HIBADH: variants seen among roughly 807,000 people sequenced by gnomAD.
The protein encoded by HIBADH is 3-hydroxyisobutyrate dehydrogenase.
Under a neutral mutation model 36.1 loss-of-function variants are expected in HIBADH, and 25 were observed. That is an observed-to-expected ratio of 0.69 (90% confidence interval 0.50 to 0.97). The LOEUF (loss-of-function observed/expected upper bound fraction) is 0.97, where lower values mean the gene tolerates loss of function less well. Among genes scored for constraint, HIBADH ranks in the 50% least tolerant of loss-of-function variants. The probability of loss-of-function intolerance (pLI) is 0.00; values close to 1 mark genes in which losing one functional copy is unlikely to be tolerated. For synonymous variants in HIBADH, 160 were observed against 149.5 expected, an observed-to-expected ratio of 1.07 and a Z score of -0.51; for missense variants, 421 against 418.0, an observed-to-expected ratio of 1.01 and a Z score of -0.06.
At chr7:27,561,154 ATTCAC>A (rs1345665494) in intron 4 of HIBADH, among the ~76,000 whole-genome samples, 1 of 152,088 alleles carries the variant, frequency 6.6e-6, no homozygotes, top group Non-Finnish European at 1.5e-5. Flanking sequence ...AAACTGGGTT[ATTCAC>A]TTCTTGTTGA....
intron 4 of HIBADH, among the ~76,000 whole-genome samples, chr7:27,603,185 T>C (rs1785161199): frequency 6.6e-6 from 1 of 152,198 alleles, no homozygotes; most frequent in African/African-American, 2.4e-5. Context: ...GTTTAAACAG[T>C]TTTTGTCAGT....
chr7:27,589,573 GCA>G (rs1412153298), intron 4 of HIBADH, among the ~76,000 whole-genome samples: 1 of 152,096 alleles, frequency 6.6e-6, no homozygotes, highest in Non-Finnish European at 1.5e-5. Context: ...ATGTAGAAAG[GCA>G]CAGAGATATT....
At chr7:27,608,697 T>C (rs1289151723) in intron 4 of HIBADH, among the ~76,000 whole-genome samples, 1 of 152,132 alleles carries the variant, frequency 6.6e-6, no homozygotes, top group East Asian at 1.9e-4. Context: ...TGCTTAGAAA[T>C]CAATAGATGT....
chr7:27,635,816 ACGGCC>A (rs1785831432), intron 2 of HIBADH, among the ~76,000 whole-genome samples: 1 of 152,186 alleles, frequency 6.6e-6, no homozygotes, highest in African/African-American at 2.4e-5. Context: ...GCTAATTCCA[ACGGCC>A]TCATACTTAT....
intron 4 of HIBADH, among the ~76,000 whole-genome samples, chr7:27,605,416 CCT>C (rs149136255): frequency 6.1e-5 from 9 of 148,464 alleles, no homozygotes; most frequent in African/African-American, 2.3e-4. Context: ...GAGGTTTCTC[CCT>C]CTTTTTAAAA....
intron 1 of HIBADH, among the ~76,000 whole-genome samples, chr7:27,658,454 T>G (rs1786348369): frequency 6.6e-6 from 1 of 152,200 alleles, no homozygotes; most frequent in Non-Finnish European, 1.5e-5. Context: ...ATTTACCGAT[T>G]ATGACCTCTT....
intron 4 of HIBADH, among the ~76,000 whole-genome samples, chr7:27,590,287 C>A (rs988096732): frequency 6.6e-6 from 1 of 152,132 alleles, no homozygotes; most frequent in African/African-American, 2.4e-5. Flanking sequence ...CAAAGTCACA[C>A]AACAGATAGA....
intron 4 of HIBADH, among the ~76,000 whole-genome samples, chr7:27,612,963 TTA>T (rs971111656): frequency 1.4e-5 from 2 of 139,160 alleles, no homozygotes; most frequent in Non-Finnish European, 3.1e-5. Context: ...TATATATTAT[TTA>T]TATATATATT....
chr7:27,527,565 T>C (rs1261307046), intron 7 of HIBADH, among the ~76,000 whole-genome samples: 3 of 152,184 alleles, frequency 2.0e-5, no homozygotes, highest in Non-Finnish European at 4.4e-5. Flanking sequence ...TCACAGATAA[T>C]GCATGTTTGT....
At chr7:27,591,140 T>C (rs1378533523) in intron 4 of HIBADH, among the ~76,000 whole-genome samples, 2 of 152,218 alleles carry the variant, frequency 1.3e-5, no homozygotes, top group Non-Finnish European at 2.9e-5. Flanking sequence ...ATTAGGTAAA[T>C]GGGTACGATC....
intron 4 of HIBADH, among the ~76,000 whole-genome samples, chr7:27,589,775 C>CT (rs1344301002): frequency 1.3e-5 from 2 of 152,112 alleles, no homozygotes; most frequent in South Asian, 2.1e-4. Context: ...TCTGAGCAAC[C>CT]TTTTCTGTGG....
chr7:27,598,992 T>C (rs1013695170), intron 4 of HIBADH, among the ~76,000 whole-genome samples: 3 of 147,924 alleles, frequency 2.0e-5, no homozygotes, highest in Non-Finnish European at 4.5e-5. Flanking sequence ...CCAAGAGGCA[T>C]AAAGTGAGTA....
intron 4 of HIBADH, among the ~76,000 whole-genome samples, chr7:27,566,305 C>A (rs1194735255): frequency 6.6e-6 from 1 of 151,606 alleles, no homozygotes; most frequent in Non-Finnish European, 1.5e-5. Flanking sequence ...TTTTCTTTTT[C>A]AGAAAGTTTT....
At chr7:27,579,593 T>TTAC (rs1447327117) in intron 4 of HIBADH, among the ~76,000 whole-genome samples, 1 of 152,228 alleles carries the variant, frequency 6.6e-6, no homozygotes. Context: ...TACTTAACCA[T>TTAC]TACTTCGTAT....
At chr7:27,650,862 C>T (rs1432041042) in intron 1 of HIBADH, among the ~76,000 whole-genome samples, 1 of 151,880 alleles carries the variant, frequency 6.6e-6, no homozygotes, top group Non-Finnish European at 1.5e-5. Flanking sequence ...ATGGAAATAG[C>T]GTTAGATGCA....
chr7:27,616,143 C>T (rs1478606172), intron 4 of HIBADH, among the ~76,000 whole-genome samples: 1 of 152,144 alleles, frequency 6.6e-6, no homozygotes, highest in Non-Finnish European at 1.5e-5. Flanking sequence ...GTGCAGAGAT[C>T]ACAGGGCAAA....
At chr7:27,552,070 A>G (rs1784326434) in intron 4 of HIBADH, among the ~76,000 whole-genome samples, 1 of 152,234 alleles carries the variant, frequency 6.6e-6, no homozygotes, top group Non-Finnish European at 1.5e-5. Context: ...AATCCCGTGA[A>G]AGTAATCAAC....
At chr7:27,537,905 C>T (rs1784090265) in intron 6 of HIBADH, among the ~76,000 whole-genome samples, 1 of 151,876 alleles carries the variant, frequency 6.6e-6, no homozygotes, top group Non-Finnish European at 1.5e-5. Context: ...ATTTGGGGGA[C>T]TATATTTTTA....
intron 4 of HIBADH, among the ~76,000 whole-genome samples, chr7:27,601,944 C>T (rs1383631277): frequency 4.0e-5 from 6 of 151,746 alleles, no homozygotes; most frequent in Non-Finnish European, 7.4e-5. Flanking sequence ...GGTGTGATAT[C>T]GATAGAACAA....
Sources: allele counts gnomAD v4.1 joint callset (sites outside exome capture counted in the v4.1 genomes callset), GRCh38; gene constraint gnomAD v4.1.1; transcripts MANE v1.5; gene names NCBI Gene and HGNC (gene_info 2026-07-23, HGNC 2026-07-21).